Variants in KLHL29 observed in about 807,000 individuals in gnomAD.
KLHL29 encodes kelch-like protein 29.
KLHL29 carries 21 observed loss-of-function variants against 80.4 expected under a neutral mutation model. The ratio of observed to expected loss-of-function variants is 0.26; its 90% CI spans 0.19 to 0.38. The LOEUF is 0.38. Among genes scored for constraint, KLHL29 ranks in the 10% least tolerant of loss-of-function variants. The pLI is 1.00. For missense variants in KLHL29, 867 were observed against 1,223.9 expected, an observed-to-expected ratio of 0.71 and a Z score of 4.35; for synonymous variants, 511 against 526.8, an observed-to-expected ratio of 0.97 and a Z score of 0.41.
At chr2:23,606,617 C>T (rs1403840637) in intron 3 of KLHL29, among the ~76,000 whole-genome samples, 1 of 152,244 alleles carries the variant, frequency 6.6e-6, no homozygotes, top group Non-Finnish European at 1.5e-5. Flanking sequence ...GGGAACAAAT[C>T]ATTCACTGCT....
At chr2:23,520,410 A>G (rs978309120) in intron 2 of KLHL29, among the ~76,000 whole-genome samples, 1 of 152,200 alleles carries the variant, frequency 6.6e-6, no homozygotes, top group African/African-American at 2.4e-5. Flanking sequence ...TTCGTTGACT[A>G]CTTCAAACAA....
rs1459669014 is a variant in KLHL29, at chr2:23,596,577, C to G, written c.285+34096C>G. On this transcript the variant is annotated intron_variant, in intron 3 of 13. Coordinates refer to ENST00000486442, the MANE Select transcript of KLHL29 (RefSeq NM_052920.2). The surrounding 1 kb of genome is among the most constrained non-coding windows in gnomAD (Gnocchi z 4.4). ...GACCTCACGCTGAGTCATCCTTCTC[C>G]ATAATGGAAGATGAGATTGTGCTGG... Among the ~76,000 whole-genome samples, 1 of 152,192 alleles carries G rather than the reference C, an allele frequency of 6.6e-6. No individual in the cohort carries two copies. Among genetic ancestry groups the G allele is most frequent in the African/African-American group, 2.4e-5 (1 of 41,450 alleles).
chr2:23,422,279 C>T (rs1367621856), intron 1 of KLHL29, among the ~76,000 whole-genome samples: 2 of 149,404 alleles, frequency 1.3e-5, no homozygotes, highest in African/African-American at 4.9e-5. Context: ...GCCTATGTAT[C>T]TGTGTGTCTC....
At chr2:23,483,681 T>C (rs1007707443) in intron 2 of KLHL29, among the ~76,000 whole-genome samples, 3 of 152,148 alleles carry the variant, frequency 2.0e-5, no homozygotes, top group Non-Finnish European at 2.9e-5. Context: ...TCCTGGATCA[T>C]GAGAGGGACT....
chr2:23,693,516 G>A lies in KLHL29; in HGVS notation c.1530G>A (p.Ala510=), dbSNP rs776198828. Reference sequence around the variant, plus strand: ...TCAAGTGGATCAAGAAGGACCCCGCGACACGCACACAGGTGGGGCCTGCCC... The same window carrying A: ...TCAAGTGGATCAAGAAGGACCCCGCAACACGCACACAGGTGGGGCCTGCCC... ...TVIKWIKKDP[A]TRTQYAAELL... is the part of the protein sequence containing the mutation. The change falls in exon 8 of 14, where the codon GCG becomes GCA. Residue 510 remains alanine (A), a synonymous_variant. Transcript: ENST00000486442. 2.1e-5 allele frequency: 32 copies of A among 1,550,264 alleles called. No homozygotes were observed. Among genetic ancestry groups the A allele is most frequent in the Middle Eastern group, 3.3e-4 (2 of 6,008 alleles).
At chr2:23,498,385 GCCC>G (rs1665332174) in intron 2 of KLHL29, among the ~76,000 whole-genome samples, 2 of 152,226 alleles carry the variant, frequency 1.3e-5, no homozygotes, top group Admixed American at 1.3e-4. Context: ...CCAGTGAGGT[GCCC>G]TGACATCCAG....
chr2:23,431,618 C>T lies in KLHL29; in HGVS notation c.-153-43942C>T, dbSNP rs1558335767. 2.0e-5 allele frequency among the ~76,000 whole-genome samples: 3 copies of T among 152,058 alleles called. No individual in the cohort carries two copies. In the South Asian group the frequency reaches 6.2e-4, roughly 32 times the overall value. The stretch of plus-strand genomic sequence containing the variant: ...TATTAAAAAAGCAGTGAAGGCCGGG[C>T]GCGGTGGCTCACGCCTGTAATCCCA... On this transcript the variant is annotated intron_variant, in intron 1 of 13. Coordinates refer to ENST00000486442, the MANE Select transcript of KLHL29 (RefSeq NM_052920.2).
rs1228032517 is a variant in KLHL29 at position 23,698,923 on chromosome 2, A to AATC, written c.2105+2411_2105+2413dup. Reference sequence around the variant, plus strand: ...AAAGACTGAGGACTAACAGCCACATAATCTTCCACTGTCTCCCAGCTCCTT... The same window carrying AATC: ...AAAGACTGAGGACTAACAGCCACATAATCATCTTCCACTGTCTCCCAGCTCCTT... On this transcript the variant is annotated intron_variant, in intron 11 of 13. Coordinates refer to ENST00000486442, the MANE Select transcript of KLHL29 (RefSeq NM_052920.2). Among the ~76,000 whole-genome samples, 6 of 152,318 alleles carry AATC rather than the reference A, an allele frequency of 3.9e-5. No homozygotes were observed. The South Asian group carries it at 1.2e-3, about 32-fold the overall frequency.
chr2:23,692,127 C>T (rs1408041695), intron 7 of KLHL29, among the ~76,000 whole-genome samples: 5 of 152,304 alleles, frequency 3.3e-5, no homozygotes, highest in Middle Eastern at 3.4e-3. Context: ...TACTGTGCCC[C>T]GCCAGGCCTT....
At chr2:23,616,428 C>T (rs1405825525) in intron 3 of KLHL29, 1 of 152,134 alleles carries the variant, frequency 6.6e-6, no homozygotes, top group African/African-American at 2.4e-5. Context: ...AAGAAAAAAA[C>T]ATTTACCAAG....
intron 1 of KLHL29, among the ~76,000 whole-genome samples, chr2:23,441,109 GA>G (rs1341163785): frequency 2.0e-5 from 3 of 152,126 alleles, no homozygotes; most frequent in Admixed American, 6.5e-5. Flanking sequence ...ACTGGATTAA[GA>G]AAATGTAGCA....
chr2:23,526,833 A>G (rs1186872811), intron 2 of KLHL29, among the ~76,000 whole-genome samples: 1 of 152,142 alleles, frequency 6.6e-6, no homozygotes, highest in Non-Finnish European at 1.5e-5. Context: ...TATACAACAG[A>G]AACTGATGAA....
chr2:23,390,317 T>A (rs1222003437), intron 1 of KLHL29, among the ~76,000 whole-genome samples: 2 of 152,172 alleles, frequency 1.3e-5, no homozygotes, highest in Non-Finnish European at 2.9e-5. Context: ...GACTCTCGAC[T>A]GTGCAGCTGC....
intron 13 of KLHL29, among the ~76,000 whole-genome samples, chr2:23,704,861 A>C (rs1281990795): frequency 6.6e-6 from 1 of 152,264 alleles, no homozygotes; most frequent in Non-Finnish European, 1.5e-5. Context: ...GTAACTGCAG[A>C]ATCTTCAGTG....
chr2:23,627,484 T>A (rs1172908466), intron 3 of KLHL29, among the ~76,000 whole-genome samples: 1 of 152,146 alleles, frequency 6.6e-6, no homozygotes, highest in African/African-American at 2.4e-5. Flanking sequence ...CCCATACCAT[T>A]CAGAATCTAG....
At chr2:23,632,704 T>C (rs1263523488) in intron 3 of KLHL29, among the ~76,000 whole-genome samples, 1 of 152,184 alleles carries the variant, frequency 6.6e-6, no homozygotes, top group Non-Finnish European at 1.5e-5. Context: ...GGAATAACCC[T>C]GCAGAGTGAG....
At chr2:23,548,365 GCA>G (rs1667035082) in intron 2 of KLHL29, among the ~76,000 whole-genome samples, 1 of 150,764 alleles carries the variant, frequency 6.6e-6, no homozygotes, top group South Asian at 2.1e-4. Flanking sequence ...ACACACACAG[GCA>G]CACACAGACA....
chr2:23,412,111 T>G (rs2103395614), intron 1 of KLHL29, among the ~76,000 whole-genome samples: 1 of 73,126 alleles, frequency 1.4e-5, no homozygotes, highest in South Asian at 6.5e-4. Context: ...TGCAAAAATG[T>G]GTGTGCGTGA....
At chr2:23,653,539 T>A (rs1161009633) in intron 5 of KLHL29, among the ~76,000 whole-genome samples, 1 of 151,708 alleles carries the variant, frequency 6.6e-6, no homozygotes, top group African/African-American at 2.4e-5. Context: ...AAGGAATGAA[T>A]GGGAGGAAGA....
Sources: gnomAD v4.1 joint callset for allele counts (sites outside exome capture counted in the v4.1 genomes callset) on GRCh38, gnomAD v4.1.1 for gene constraint, Gnocchi (gnomAD v3.1) non-coding constraint, MANE v1.5 for transcripts, NCBI Gene and HGNC (gene_info 2026-07-23, HGNC 2026-07-21) for gene names.